EIF2A: variants seen among roughly 807,000 people sequenced by gnomAD.
EIF2A encodes 65 kDa eukaryotic translation initiation factor 2A.
In EIF2A, 62 loss-of-function variants were observed where a neutral mutation model predicts 75.2. The observed-to-expected ratio is 0.82, with a 90% CI of 0.67 to 1.02. The LOEUF (loss-of-function observed/expected upper bound fraction) is 1.02, where lower values mean the gene tolerates loss of function less well. Ranked by LOEUF, EIF2A falls within the 50% of genes least tolerant of loss-of-function variation. The probability of loss-of-function intolerance (pLI) is 0.00; values close to 1 mark genes in which losing one functional copy is unlikely to be tolerated. For missense variants in EIF2A, 611 were observed against 677.7 expected (o/e 0.90, Z 1.09); for synonymous variants, 207 against 239.0 (o/e 0.87, Z 1.23).
rs961106905 is a variant in EIF2A, at chr3:150,573,562, T to G, written c.1383+1033T>G. ...CCACTGTACCCGGCCAGGATTTTTT[T>G]GTTAACATTTAAGATTTCTACTAAA... On this transcript the variant is annotated intron_variant, in intron 10 of 13. Coordinates refer to ENST00000460851, the MANE Select transcript of EIF2A (RefSeq NM_032025.5). 5.9e-5 allele frequency among the ~76,000 whole-genome samples: 9 copies of G among 152,326 alleles called. No individual in the cohort carries two copies. In the South Asian group the frequency reaches 6.2e-4, roughly 11 times the overall value.
chr3:150,556,839 T>C (rs2107911633), intron 2 of EIF2A, among the ~76,000 whole-genome samples: 1 of 152,254 alleles, frequency 6.6e-6, no homozygotes, highest in South Asian at 2.1e-4. Context: ...GATAAGGGGG[T>C]GTTTATTAAG....
At position 150,563,848 on chromosome 3, in the gene EIF2A, C is replaced by T. The variant is rs890562184; in HGVS notation, c.392+234C>T. 3.9e-5 allele frequency among the ~76,000 whole-genome samples: 6 copies of T among 152,196 alleles called. 1 individual carries two copies. Among genetic ancestry groups the T allele is most frequent in the South Asian group, 4.1e-4 (2 of 4,828 alleles). ...TTTTTGTTTGTTTGAGAGGGAGTCT[C>T]GCTCTGTCACCCAGGCTGGAGTGCA... On this transcript the variant is annotated intron_variant, in intron 5 of 13. Transcript: ENST00000460851.
chr3:150,561,972 T>C (rs1723892667), intron 3 of EIF2A, among the ~76,000 whole-genome samples: 1 of 151,872 alleles, frequency 6.6e-6, no homozygotes, highest in Non-Finnish European at 1.5e-5. Flanking sequence ...TTGGCCAGGC[T>C]GGTCTCGAAC....
chr3:150,583,147 G>A, intron 12 of EIF2A, 53 bp from the exon 13 acceptor site: 3 of 1,502,272 alleles, frequency 2.0e-6, no homozygotes, highest in Non-Finnish European at 2.7e-6. Flanking sequence ...AAGGAAATTT[G>A]CATTTGAAGT....
At chr3:150,552,174 T>C (rs983287891) in intron 1 of EIF2A, among the ~76,000 whole-genome samples, 182 bp from the exon 2 acceptor site, 2 of 152,254 alleles carry the variant, frequency 1.3e-5, no homozygotes, top group African/African-American at 4.8e-5. Context: ...TCAGCAATTA[T>C]ATGATTTTAT....
chr3:150,584,865 C>T lies in EIF2A; in HGVS notation c.*954C>T, dbSNP rs1283820097. Reference sequence around the variant, plus strand: ...AAAATTTTTAAAGAAAAAGTATACACACAGGACTTTTTTTTTTCTAATTCA... The same window carrying T: ...AAAATTTTTAAAGAAAAAGTATACATACAGGACTTTTTTTTTTCTAATTCA... On this transcript the variant is annotated 3_prime_UTR_variant, in exon 14 of 14. Transcript: ENST00000460851. 6.6e-6 allele frequency among the ~76,000 whole-genome samples: 1 copy of T among 151,788 alleles called. No individual in the cohort carries two copies. The highest frequency in any genetic ancestry group is 2.4e-5 in the African/African-American group (1 of 41,306).
At chr3:150,546,868 A>G (rs375525849) in intron 1 of EIF2A, 38 bp downstream of exon 1, 2 of 1,609,136 alleles carry the variant, frequency 1.2e-6, no homozygotes, top group Non-Finnish European at 1.7e-6. Flanking sequence ...CTTTCTTCAG[A>G]CTAGTTTCTT....
chr3:150,583,009 CT>C, intron 12 of EIF2A, 190 bp from the exon 13 acceptor site: 1 of 551,946 alleles, frequency 1.8e-6, no homozygotes, highest in Non-Finnish European at 3.2e-6. Flanking sequence ...TTTGCCAAAT[CT>C]CATGTTTTTA....
chr3:150,551,028 T>G (rs1022647257), intron 1 of EIF2A, among the ~76,000 whole-genome samples: 1 of 152,218 alleles, frequency 6.6e-6, no homozygotes, highest in Non-Finnish European at 1.5e-5. Context: ...CCCTTGACGC[T>G]CTGTCGTTTT....
intron 13 of EIF2A, among the ~76,000 whole-genome samples, 165 bp from the exon 14 acceptor site, chr3:150,583,681 A>T (rs1255917844): frequency 6.6e-6 from 1 of 151,970 alleles, no homozygotes; most frequent in African/African-American, 2.4e-5. Context: ...TTCACCCTCG[A>T]TTCATACCAG....
At chr3:150,578,158 T>C (rs889922426) in intron 11 of EIF2A, among the ~76,000 whole-genome samples, 9 of 152,152 alleles carry the variant, frequency 5.9e-5, no homozygotes, top group Admixed American at 5.9e-4. Context: ...CTTAGAATTC[T>C]ATTTTTATAA....
Position 150,562,591 on chromosome 3 carries a change from C to T in EIF2A, c.223C>T (p.Leu75Phe). The T allele has an allele frequency of 6.2e-7, 1 of 1,613,540 alleles. No individual in the cohort carries two copies. The highest frequency in any genetic ancestry group is 1.1e-5 in the South Asian group (1 of 91,038). ...CAAGGGACTACTGCACTCCTTCGAC[C>T]TCCTGAAGGCAGTTTGCCTTGAATT... ...TNKGLLHSFDLLKAVCLEFSP... is the reference protein window; with the variant it reads ...TNKGLLHSFDFLKAVCLEFSP... The change falls in exon 4 of 14, where the codon CTC (leucine) becomes TTC (phenylalanine). Residue 75 changes from leucine (L) to phenylalanine (F), a missense_variant. Transcript: ENST00000460851.
chr3:150,547,139 A>G (rs979959640), intron 1 of EIF2A: 3 of 440,162 alleles, frequency 6.8e-6, no homozygotes, highest in Non-Finnish European at 1.3e-5. Flanking sequence ...TGGGTCTGCA[A>G]TACTGGTGTT....
chr3:150,553,257 A>G (rs1356510273), intron 2 of EIF2A, among the ~76,000 whole-genome samples: 1 of 143,816 alleles, frequency 7.0e-6, no homozygotes, highest in Non-Finnish European at 1.5e-5. Flanking sequence ...CCGGAGGTGG[A>G]GGTTGCAGTG....
intron 1 of EIF2A, among the ~76,000 whole-genome samples, chr3:150,551,336 C>G (rs1237314099): frequency 3.9e-5 from 6 of 152,024 alleles, no homozygotes; most frequent in Non-Finnish European, 5.9e-5. Flanking sequence ...AACACAGGGC[C>G]TAGGAGGTAG....
Position 150,575,662 on chromosome 3 carries a change from C to A in EIF2A, c.1397C>A (p.Pro466Gln), listed in dbSNP as rs1724813378. 2 of 1,607,212 alleles carry A rather than the reference C, an allele frequency of 1.2e-6. No homozygotes were observed. The highest frequency in any genetic ancestry group is 1.7e-6 in the Non-Finnish European group (2 of 1,177,860). Residue 466 changes from proline to glutamine, a missense_variant, in exon 11 of 14, where the codon CCA (proline) becomes CAA (glutamine). Coordinates refer to ENST00000460851, the MANE Select transcript of EIF2A (RefSeq NM_032025.5). ...CATTTTCCATAGCATGAAGAGGAAC[C>A]ACCTCAGAATATGAAACCACAATCA... ...ITNSKLHEEE[P>Q]PQNMKPQSGN...
rs569825232 is a variant in EIF2A, at chr3:150,583,272, T to A, written c.1692+7T>A. 3.5e-5 allele frequency: 57 copies of A among 1,612,344 alleles called. No homozygotes were observed. In the South Asian group the frequency reaches 6.1e-4, roughly 17 times the overall value. On this transcript the variant is annotated splice_region_variant and intron_variant, in intron 13 of 13. Transcript: ENST00000460851. ...ACAGCTAGAAAAAAATCAGGTACTT[T>A]CTGCATTTTTCATTTAGGCTTGTGG...
chr3:150,561,764 C>T (rs541523746), intron 3 of EIF2A, among the ~76,000 whole-genome samples: 1 of 151,616 alleles, frequency 6.6e-6, no homozygotes, highest in South Asian at 2.1e-4. Context: ...CCAGCACTAG[C>T]CTTATATAGG....
At chr3:150,576,839 T>G (rs77065805) in intron 11 of EIF2A, among the ~76,000 whole-genome samples, 3,718 of 152,352 alleles carry the variant, frequency 0.024, 167 homozygotes, top group African/African-American at 0.085. Flanking sequence ...GTTTCTTACT[T>G]GATTACGTAG....
Sources: allele counts gnomAD v4.1 joint callset (sites outside exome capture counted in the v4.1 genomes callset), GRCh38; gene constraint gnomAD v4.1.1; transcripts MANE v1.5; gene names NCBI Gene and HGNC (gene_info 2026-07-23, HGNC 2026-07-21).